HS3ST5: variants seen among roughly 807,000 people sequenced by gnomAD.
HS3ST5 encodes heparan sulfate glucosamine 3-O-sulfotransferase 5.
Under a neutral mutation model 25.4 loss-of-function variants are expected in HS3ST5, and 10 were observed. The ratio of observed to expected loss-of-function variants is 0.39; its 90% CI spans 0.24 to 0.67. The LOEUF (loss-of-function observed/expected upper bound fraction) is 0.67, where lower values mean the gene tolerates loss of function less well. Among genes scored for constraint, HS3ST5 ranks in the 30% least tolerant of loss-of-function variants. The probability of loss-of-function intolerance (pLI) is 0.44; values close to 1 mark genes in which losing one functional copy is unlikely to be tolerated. For missense variants in HS3ST5, 324 were observed against 420.7 expected (o/e 0.77, Z 2.01); for synonymous variants, 170 against 162.4 (o/e 1.05, Z -0.36).
chr6:114,217,962 C>T (rs191753493), intron 2 of HS3ST5, among the ~76,000 whole-genome samples: 1 of 152,272 alleles, frequency 6.6e-6, no homozygotes, highest in East Asian at 1.9e-4. Flanking sequence ...TTGTATGATT[C>T]TAACAAACAC....
rs116714235 is a variant in HS3ST5, at chr6:114,158,666, T to C, written c.-33+9685A>G. Among the ~76,000 whole-genome samples, 541 of 152,302 alleles carry C rather than the reference T, an allele frequency of 3.6e-3. 1 individual carries two copies. Among genetic ancestry groups the C allele is most frequent in the African/African-American group, 0.013 (521 of 41,554 alleles). On this transcript the variant is annotated intron_variant, in intron 3 of 4. Transcript: ENST00000312719. Reference sequence around the variant, plus strand: ...AACCATTTGACAAAATGGATAAATATGTTCAACCAAAATGTATTGAGGACT... The same window carrying C: ...AACCATTTGACAAAATGGATAAATACGTTCAACCAAAATGTATTGAGGACT...
chr6:114,076,589 G>C (rs535870196), intron 3 of HS3ST5, among the ~76,000 whole-genome samples: 1 of 152,272 alleles, frequency 6.6e-6, no homozygotes, highest in South Asian at 2.1e-4. Flanking sequence ...AGATTCTACT[G>C]ATGAGCTTTC....
chr6:114,063,164 T>C (rs1408679618), intron 3 of HS3ST5, among the ~76,000 whole-genome samples: 2 of 152,058 alleles, frequency 1.3e-5, no homozygotes, highest in Admixed American at 6.5e-5. Flanking sequence ...GCATGTAACA[T>C]ATAGTGTGTT....
chr6:114,118,384 C>CT (rs1370788930), intron 3 of HS3ST5, among the ~76,000 whole-genome samples: 1 of 152,148 alleles, frequency 6.6e-6, no homozygotes, highest in African/African-American at 2.4e-5. Flanking sequence ...TGTGTTTTGT[C>CT]TTTAAGAGTC....
In HS3ST5 at chr6:114,084,806, T is replaced by C. The variant is rs1774699167; in HGVS notation, c.-32-21929A>G. 1.3e-5 allele frequency: 9 copies of C among 695,490 alleles called. No homozygotes were observed. The South Asian group carries it at 1.4e-4, about 11-fold the overall frequency. The allele number at this position is 695,490 out of a possible 1,614,324, so 43.1% of individuals were successfully genotyped here. A position where few individuals can be genotyped will look rare whatever the true frequency, so the allele number is the denominator to read the frequency against. ...AAACTTAAGCATATTTTCAAACTCTTAGAAAATTTCTTTTTTCTTTTCTTT... is the reference window on the plus strand; with the variant it reads ...AAACTTAAGCATATTTTCAAACTCTCAGAAAATTTCTTTTTTCTTTTCTTT... On this transcript the variant is annotated intron_variant, in intron 3 of 4. Coordinates refer to ENST00000312719, the MANE Select transcript of HS3ST5 (RefSeq NM_153612.4).
chr6:114,096,578 G>T (rs1183043398), intron 3 of HS3ST5, among the ~76,000 whole-genome samples: 1 of 152,054 alleles, frequency 6.6e-6, no homozygotes, highest in African/African-American at 2.4e-5. Flanking sequence ...TTACATTTTT[G>T]ATGCCATAAA....
At chr6:114,110,659 A>C (rs1776223738) in intron 3 of HS3ST5, among the ~76,000 whole-genome samples, 1 of 152,148 alleles carries the variant, frequency 6.6e-6, no homozygotes, top group Admixed American at 6.5e-5. Flanking sequence ...ATATTTAGAA[A>C]ATTGAAAAGT....
chr6:114,217,536 T>C (rs1480727215), intron 2 of HS3ST5, among the ~76,000 whole-genome samples: 2 of 152,204 alleles, frequency 1.3e-5, no homozygotes, highest in Admixed American at 6.5e-5. Context: ...CATGGCAAGA[T>C]TTCCGTTTTG....
At position 114,057,098 on chromosome 6, in the gene HS3ST5, A is replaced by G. The variant is rs1055495788; in HGVS notation, c.*159T>C. On this transcript the variant is annotated 3_prime_UTR_variant, in exon 5 of 5. Coordinates refer to ENST00000312719, the MANE Select transcript of HS3ST5 (RefSeq NM_153612.4). ...TTTTTTTTTCGTAAATTTTCAGTAG[A>G]AAAAGAACTGATCTTATATTTGGTC... The G allele has an allele frequency of 7.3e-6, 4 of 545,644 alleles. No individual in the cohort carries two copies. The highest frequency in any genetic ancestry group is 9.4e-6 in the Non-Finnish European group (3 of 319,748). The allele number at this position is 545,644 out of a possible 1,614,324, so 33.8% of individuals were successfully genotyped here.
chr6:114,308,349 G>T (rs1775383680), intron 1 of HS3ST5, among the ~76,000 whole-genome samples: 1 of 152,130 alleles, frequency 6.6e-6, no homozygotes, highest in South Asian at 2.1e-4. Flanking sequence ...ACTTTGGGAG[G>T]CCGAGGCGGG....
At chr6:114,179,839 C>T (rs1010640401) in intron 2 of HS3ST5, among the ~76,000 whole-genome samples, 4 of 152,110 alleles carry the variant, frequency 2.6e-5, no homozygotes, top group Non-Finnish European at 5.9e-5. Flanking sequence ...ACTGACAGTG[C>T]AGCCTTCAGT....
intron 1 of HS3ST5, among the ~76,000 whole-genome samples, chr6:114,298,867 C>G (rs1045454476): frequency 2.0e-5 from 3 of 152,140 alleles, no homozygotes; most frequent in Non-Finnish European, 2.9e-5. Flanking sequence ...ATCTCACAAG[C>G]TGAGGAGTAT....
At chr6:114,223,178 T>C (rs1199689900) in intron 2 of HS3ST5, among the ~76,000 whole-genome samples, 2 of 151,688 alleles carry the variant, frequency 1.3e-5, no homozygotes, top group African/African-American at 4.8e-5. Flanking sequence ...GAGTATCCCA[T>C]GCCAACATAT....
intron 3 of HS3ST5, chr6:114,084,607 T>C: frequency 1.3e-6 from 1 of 783,676 alleles, no homozygotes; most frequent in South Asian, 1.3e-5. Context: ...AGGAGAATTG[T>C]TACAGAGCAA....
At chr6:114,259,419 C>T (rs1773070892) in intron 1 of HS3ST5, among the ~76,000 whole-genome samples, 1 of 152,096 alleles carries the variant, frequency 6.6e-6, no homozygotes, top group Admixed American at 6.5e-5. Flanking sequence ...GTTTCCCTTC[C>T]TAGACTGTAA....
Position 114,222,930 on chromosome 6 carries a change from G to T in HS3ST5, c.-145+5655C>A, listed in dbSNP as rs910131702. Among the ~76,000 whole-genome samples the T allele has an allele frequency of 4.4e-4, 67 of 151,880 alleles. 1 individual carries two copies. Among genetic ancestry groups the T allele is most frequent in the African/African-American group, 1.5e-3 (63 of 41,522 alleles). On this transcript the variant is annotated intron_variant, in intron 2 of 4. Coordinates refer to ENST00000312719, the MANE Select transcript of HS3ST5 (RefSeq NM_153612.4). ...ATTCTTGTATCAGCAGACAAAAGAT[G>T]TATTTGAGCAATCTTTACTTTCCTA... is the stretch of plus-strand genomic sequence containing the variant.
At chr6:114,331,419 T>C (rs1776389864) in intron 1 of HS3ST5, among the ~76,000 whole-genome samples, 2 of 152,166 alleles carry the variant, frequency 1.3e-5, no homozygotes, top group Non-Finnish European at 2.9e-5. Flanking sequence ...AATTAGGGAA[T>C]ATTAATTAAA....
At chr6:114,139,213 G>A (rs879555674) in intron 3 of HS3ST5, among the ~76,000 whole-genome samples, 4 of 152,084 alleles carry the variant, frequency 2.6e-5, no homozygotes, top group Non-Finnish European at 5.9e-5. Flanking sequence ...TTGGTTTCCA[G>A]CTAACCCTGA....
chr6:114,327,566 G>T (rs538725567), intron 1 of HS3ST5, among the ~76,000 whole-genome samples: 1 of 152,144 alleles, frequency 6.6e-6, no homozygotes, highest in South Asian at 2.1e-4. Flanking sequence ...TTTACACCTT[G>T]AAAAATAAAT....
Sources: allele counts gnomAD v4.1 joint callset (sites outside exome capture counted in the v4.1 genomes callset), GRCh38; gene constraint gnomAD v4.1.1; transcripts MANE v1.5; gene names NCBI Gene and HGNC (gene_info 2026-07-23, HGNC 2026-07-21).